The following EXOC6B variants were observed in gnomAD, a reference collection of about 807,000 sequenced individuals.
EXOC6B encodes the protein exocyst complex component 6B.
Under a neutral mutation model 113.5 loss-of-function variants are expected in EXOC6B, and 54 were observed. The ratio of observed to expected loss-of-function variants is 0.48; its 90% confidence interval spans 0.38 to 0.60. The LOEUF (loss-of-function observed/expected upper bound fraction) is 0.60, where lower values mean the gene tolerates loss of function less well. Ranked by LOEUF, EXOC6B falls within the 20% of genes least tolerant of loss-of-function variation. The probability of loss-of-function intolerance (pLI) is 0.00; values close to 1 mark genes in which losing one functional copy is unlikely to be tolerated. For synonymous variants in EXOC6B, 357 were observed against 339.0 expected, an observed-to-expected ratio of 1.05 and a Z score of -0.58; for missense variants, 797 against 977.5, an observed-to-expected ratio of 0.82 and a Z score of 2.46.
intron 20 of EXOC6B, among the ~76,000 whole-genome samples, chr2:72,279,448 G>T (rs960679014): frequency 1.3e-5 from 2 of 152,122 alleles, no homozygotes; most frequent in African/African-American, 2.4e-5. Flanking sequence ...TTGTATAAGG[G>T]CCCAAATATT....
At chr2:72,401,457 C>T (rs1434388490) in intron 18 of EXOC6B, among the ~76,000 whole-genome samples, 6 of 125,132 alleles carry the variant, frequency 4.8e-5, no homozygotes, top group South Asian at 2.5e-4. Flanking sequence ...AGCAAAACTC[C>T]GTATTTAAAA....
chr2:72,245,065 T>G (rs1300065505), intron 20 of EXOC6B, among the ~76,000 whole-genome samples: 9 of 152,220 alleles, frequency 5.9e-5, no homozygotes. Context: ...CTTTCCAACT[T>G]GATCTATAGT....
At chr2:72,540,651 AT>A (rs1702547887) in intron 8 of EXOC6B, among the ~76,000 whole-genome samples, 1 of 152,152 alleles carries the variant, frequency 6.6e-6, no homozygotes, top group South Asian at 2.1e-4. Context: ...TTTATAGCGT[AT>A]TTTCCCAAAG....
rs1692785378 is a variant in EXOC6B at position 72,397,249 on chromosome 2, A to G, written c.1981-17379T>C. Reference sequence around the variant, plus strand: ...ATCTTGGAACCTTGAGGAAATGGTCAAAAGGATAACAAAGACCTCAGCCCT... The same window carrying G: ...ATCTTGGAACCTTGAGGAAATGGTCGAAAGGATAACAAAGACCTCAGCCCT... On this transcript the variant is annotated intron_variant, in intron 18 of 21. Transcript: ENST00000272427. Among the ~76,000 whole-genome samples, 5 of 152,294 alleles carry G rather than the reference A, an allele frequency of 3.3e-5. No individual in the cohort carries two copies. The South Asian group carries it at 1.0e-3, about 32-fold the overall frequency.
At chr2:72,215,056 T>C (rs969341347) in intron 20 of EXOC6B, among the ~76,000 whole-genome samples, 5 of 152,164 alleles carry the variant, frequency 3.3e-5, no homozygotes, top group Non-Finnish European at 5.9e-5. Context: ...CTGGCTTATA[T>C]TGGAAATGGG....
At chr2:72,296,116 A>C (rs1205983233) in intron 20 of EXOC6B, among the ~76,000 whole-genome samples, 1 of 152,026 alleles carries the variant, frequency 6.6e-6, no homozygotes, top group African/African-American at 2.4e-5. Flanking sequence ...ATTAAATAAT[A>C]ATATATTAAA....
chr2:72,430,008 A>T, intron 18 of EXOC6B, among the ~76,000 whole-genome samples: 1 of 152,212 alleles, frequency 6.6e-6, no homozygotes, highest in East Asian at 1.9e-4. Context: ...GTGGCTCTAA[A>T]TATATTGCTA....
At chr2:72,187,819 G>A (rs1330965176) in intron 20 of EXOC6B, among the ~76,000 whole-genome samples, 1 of 152,104 alleles carries the variant, frequency 6.6e-6, no homozygotes, top group Non-Finnish European at 1.5e-5. Flanking sequence ...AGGCCTCACT[G>A]GGGACCTGCC....
intron 19 of EXOC6B, among the ~76,000 whole-genome samples, chr2:72,360,214 C>T (rs544204026): frequency 6.6e-6 from 1 of 151,586 alleles, no homozygotes; most frequent in Non-Finnish European, 1.5e-5. Context: ...CAGCCTCCCA[C>T]GTAGCTGGGA....
intron 18 of EXOC6B, among the ~76,000 whole-genome samples, chr2:72,407,320 A>G (rs1178810339): frequency 6.6e-6 from 1 of 152,234 alleles, no homozygotes; most frequent in Non-Finnish European, 1.5e-5. Context: ...TTCTGAAACT[A>G]TTCCAATCAA....
At chr2:72,717,980 G>A in intron 6 of EXOC6B, 123 bp downstream of exon 6, 1 of 643,550 alleles carries the variant, frequency 1.6e-6, no homozygotes. Flanking sequence ...AAATATGAAG[G>A]ACTTCCCTAA....
chr2:72,592,541 T>C (rs1706038534), intron 6 of EXOC6B, among the ~76,000 whole-genome samples: 1 of 152,186 alleles, frequency 6.6e-6, no homozygotes, highest in South Asian at 2.1e-4. Flanking sequence ...TACTGTCCAC[T>C]GGTGTCTGAT....
chr2:72,224,980 GTA>G (rs1158341628), intron 20 of EXOC6B, among the ~76,000 whole-genome samples: 3 of 122,964 alleles, frequency 2.4e-5, no homozygotes, highest in South Asian at 4.9e-4. Flanking sequence ...ATCTCTCTCT[GTA>G]TGTGTGTGTG....
At chr2:72,575,329 T>C (rs774264037) in intron 7 of EXOC6B, among the ~76,000 whole-genome samples, 163 bp downstream of exon 7, 18 of 152,200 alleles carry the variant, frequency 1.2e-4, no homozygotes, top group Non-Finnish European at 1.0e-4. Context: ...TATCTTAGTA[T>C]ATCTTCAATT....
In EXOC6B at chr2:72,492,428, A is replaced by C; in HGVS notation, c.1555T>G (p.Ser519Ala). The change falls in exon 16 of 22, where the codon TCA (serine) becomes GCA (alanine). Residue 519 changes from serine (S) to alanine (A), a missense_variant and splice_region_variant. Transcript: ENST00000272427. Reference sequence around the variant, plus strand: ...CGAATCATGTCATCAACTTCAGTTGAGCTGAAAAAGAAGCATTAAGAGTCA... The same window carrying C: ...CGAATCATGTCATCAACTTCAGTTGCGCTGAAAAAGAAGCATTAAGAGTCA... ...LKFSEDLHLS[S>A]TEVDDMIRKS... 1 of 1,608,704 alleles carries C rather than the reference A, an allele frequency of 6.2e-7. No homozygotes were observed. Among genetic ancestry groups the C allele is most frequent in the South Asian group, 1.1e-5 (1 of 90,906 alleles).
At chr2:72,565,981 C>G (rs1213281276) in intron 7 of EXOC6B, among the ~76,000 whole-genome samples, 3 of 151,220 alleles carry the variant, frequency 2.0e-5, no homozygotes, top group African/African-American at 7.3e-5. Context: ...GCTCCAACCA[C>G]ACGGAAAAAA....
At chr2:72,751,155 C>A (rs527905024) in intron 1 of EXOC6B, among the ~76,000 whole-genome samples, 1 of 152,146 alleles carries the variant, frequency 6.6e-6, no homozygotes, top group South Asian at 2.1e-4. Context: ...AAGAACACAC[C>A]TGTGACATAG....
intron 1 of EXOC6B, among the ~76,000 whole-genome samples, chr2:72,791,062 A>G (rs998965990): frequency 9.2e-5 from 14 of 152,240 alleles, no homozygotes; most frequent in Admixed American, 8.5e-4. Flanking sequence ...ACAGTAATTT[A>G]GTGTATATTT....
At chr2:72,323,529 T>C (rs1687961957) in intron 20 of EXOC6B, among the ~76,000 whole-genome samples, 2 of 152,098 alleles carry the variant, frequency 1.3e-5, no homozygotes, top group African/African-American at 2.4e-5. Flanking sequence ...TAAAGACACA[T>C]ACACGTGTAT....
Sources: gnomAD v4.1 joint callset for allele counts (sites outside exome capture counted in the v4.1 genomes callset) on GRCh38, gnomAD v4.1.1 for gene constraint, MANE v1.5 for transcripts, NCBI Gene and HGNC (gene_info 2026-07-23, HGNC 2026-07-21) for gene names.